KHDRBS2: variants seen among roughly 807,000 people sequenced by gnomAD.
KHDRBS2 encodes KH domain-containing, RNA-binding, signal transduction-associated protein 2.
In KHDRBS2, 26 loss-of-function variants were observed where a neutral mutation model predicts 44.3. The observed-to-expected ratio is 0.59, with a 90% CI of 0.43 to 0.81. The LOEUF (loss-of-function observed/expected upper bound fraction) is 0.81, where lower values mean the gene tolerates loss of function less well. Ranked by LOEUF, KHDRBS2 falls within the 40% of genes least tolerant of loss-of-function variation. KHDRBS2 has a pLI of 0.00. For missense variants in KHDRBS2, 476 were observed against 433.1 expected (o/e 1.10, Z -0.88); for synonymous variants, 194 against 151.1 (o/e 1.28, Z -2.08).
intron 7 of KHDRBS2, among the ~76,000 whole-genome samples, chr6:61,718,517 T>G (rs559792793): frequency 3.3e-4 from 50 of 152,246 alleles, no homozygotes; most frequent in African/African-American, 1.1e-3. Flanking sequence ...CTCCATCCTG[T>G]TCTCTCCCTA....
chr6:61,995,150 G>T (rs1169114629), intron 3 of KHDRBS2, among the ~76,000 whole-genome samples: 1 of 151,846 alleles, frequency 6.6e-6, no homozygotes, highest in Non-Finnish European at 1.5e-5. Context: ...TAATATATAG[G>T]GTATCTATAT....
chr6:61,721,259 C>T (rs185854499), intron 7 of KHDRBS2, among the ~76,000 whole-genome samples: 16 of 152,202 alleles, frequency 1.1e-4, no homozygotes, highest in East Asian at 5.8e-4. Flanking sequence ...CTGGGCGACG[C>T]GGGCTCTTTT....
chr6:61,945,860 A>C (rs950674882), intron 4 of KHDRBS2, among the ~76,000 whole-genome samples: 6 of 141,968 alleles, frequency 4.2e-5, no homozygotes, highest in African/African-American at 1.3e-4. Context: ...TTCATACAAG[A>C]ATGATTTCCC....
chr6:61,901,135 G>T, intron 5 of KHDRBS2, 109 bp downstream of exon 5: 1 of 1,009,232 alleles, frequency 9.9e-7, no homozygotes. Context: ...TGTGGTGGTA[G>T]TGATTGTGGC....
At chr6:62,107,574 A>C (rs1011978598) in intron 2 of KHDRBS2, among the ~76,000 whole-genome samples, 4 of 152,190 alleles carry the variant, frequency 2.6e-5, no homozygotes, top group Admixed American at 2.6e-4. Flanking sequence ...GACTTTCTTC[A>C]CAGAATTGGA....
chr6:61,710,618 A>T (rs1050083975), intron 7 of KHDRBS2, among the ~76,000 whole-genome samples: 1 of 149,900 alleles, frequency 6.7e-6, no homozygotes, highest in Admixed American at 6.7e-5. Flanking sequence ...TCTACATGGA[A>T]CTCCTTCTAC....
At chr6:61,611,735 T>A in the KHDRBS2 span, among the ~76,000 whole-genome samples, 2 of 152,320 alleles carry the variant, frequency 1.3e-5, no homozygotes, top group South Asian at 4.1e-4. Flanking sequence ...GTTCAAAATT[T>A]CAACTTTTAT....
chr6:62,051,431 G>GT lies in KHDRBS2; in HGVS notation c.220-3438dup, dbSNP rs933419104. ...ATTCTTTTGCATATAGAAATCCAGT[G>GT]TTTTTTTAGCACAATTTATTGCAAA... On this transcript the variant is annotated intron_variant, in intron 2 of 8. Coordinates refer to ENST00000281156, the MANE Select transcript of KHDRBS2 (RefSeq NM_152688.4). Among the ~76,000 whole-genome samples, 68 of 151,890 alleles carry GT rather than the reference G, an allele frequency of 4.5e-4. No homozygotes were observed. In the Middle Eastern group the frequency reaches 0.01, roughly 23 times the overall value.
intron 2 of KHDRBS2, among the ~76,000 whole-genome samples, chr6:62,070,051 C>T (rs1402348938): frequency 1.3e-5 from 2 of 151,140 alleles, no homozygotes; most frequent in East Asian, 2.0e-4. Context: ...ACTTTTTCTC[C>T]GTCTATTAAG....
intron 2 of KHDRBS2, among the ~76,000 whole-genome samples, chr6:62,141,980 C>A (rs541606379): frequency 2.0e-5 from 3 of 151,956 alleles, no homozygotes; most frequent in African/African-American, 7.2e-5. Context: ...TTTAAGTAGC[C>A]CTTACAAAAA....
At chr6:61,613,907 G>A in the KHDRBS2 span, among the ~76,000 whole-genome samples, 6 of 152,066 alleles carry the variant, frequency 3.9e-5, no homozygotes, top group African/African-American at 1.2e-4. Context: ...TTTTCTGACC[G>A]TCTCTCTGTT....
chr6:62,140,137 G>A (rs1812480454), intron 2 of KHDRBS2, among the ~76,000 whole-genome samples: 2 of 152,024 alleles, frequency 1.3e-5, no homozygotes, highest in Non-Finnish European at 2.9e-5. Flanking sequence ...GACTACTGTA[G>A]TTTCCAATAA....
At chr6:61,848,064 T>C (rs956904468) in intron 6 of KHDRBS2, among the ~76,000 whole-genome samples, 1 of 151,958 alleles carries the variant, frequency 6.6e-6, no homozygotes, top group African/African-American at 2.4e-5. Context: ...CTCTGGCCAA[T>C]CGTCTGTGAC....
chr6:61,935,402 C>G (rs9345768), intron 4 of KHDRBS2, among the ~76,000 whole-genome samples: 60,195 of 152,010 alleles, frequency 0.4, 12,077 homozygotes, highest in East Asian at 0.47. Flanking sequence ...CTAGCAAAGG[C>G]ATGAATCAGT....
chr6:61,670,268 T>A, the KHDRBS2 span, among the ~76,000 whole-genome samples: 1 of 151,348 alleles, frequency 6.6e-6, no homozygotes, highest in Non-Finnish European at 1.5e-5. Flanking sequence ...CCTGAATTAC[T>A]CACTAGAAAC....
chr6:61,824,158 A>G (rs551295655), intron 6 of KHDRBS2, among the ~76,000 whole-genome samples: 1 of 152,214 alleles, frequency 6.6e-6, no homozygotes, highest in South Asian at 2.1e-4. Flanking sequence ...TCCAATTTTT[A>G]TTCATCTTGT....
At chr6:62,066,691 T>A (rs182559281) in intron 2 of KHDRBS2, among the ~76,000 whole-genome samples, 169 of 151,768 alleles carry the variant, frequency 1.1e-3, no homozygotes, top group Non-Finnish European at 1.7e-3. Context: ...AAGAGGGGCT[T>A]ATTGAGCATA....
chr6:61,592,675 A>G, the KHDRBS2 span, among the ~76,000 whole-genome samples: 1 of 152,216 alleles, frequency 6.6e-6, no homozygotes, highest in Non-Finnish European at 1.5e-5. Flanking sequence ...AGGGTGAAAT[A>G]TTTTTGTTTT....
intron 1 of KHDRBS2, among the ~76,000 whole-genome samples, chr6:62,222,450 A>G (rs1831063178): frequency 6.6e-6 from 1 of 152,162 alleles, no homozygotes; most frequent in Non-Finnish European, 1.5e-5. Flanking sequence ...ATGCAAAAGC[A>G]GAAACCCCTG....
Sources: allele counts gnomAD v4.1 joint callset (sites outside exome capture counted in the v4.1 genomes callset), GRCh38; gene constraint gnomAD v4.1.1; transcripts MANE v1.5; gene names NCBI Gene and HGNC (gene_info 2026-07-23, HGNC 2026-07-21).